The following FAR1 variants were observed in gnomAD, a reference collection of about 807,000 sequenced individuals.
FAR1 encodes the protein male sterility domain-containing protein 2.
Under a neutral mutation model 61.1 loss-of-function variants are expected in FAR1, and 22 were observed. The ratio of observed to expected loss-of-function variants is 0.36; its 90% CI spans 0.26 to 0.51. The LOEUF (loss-of-function observed/expected upper bound fraction) is 0.51. Among genes scored for constraint, FAR1 ranks in the 20% least tolerant of loss-of-function variants. FAR1 has a pLI of 0.95. For missense variants in FAR1, 359 were observed against 626.9 expected, an observed-to-expected ratio of 0.57 and a Z score of 4.56; for synonymous variants, 206 against 209.7, an observed-to-expected ratio of 0.98 and a Z score of 0.15.
intron 10 of FAR1, among the ~76,000 whole-genome samples, chr11:13,726,741 T>TA (rs772625896): frequency 2.2e-3 from 329 of 150,908 alleles, no homozygotes; most frequent in South Asian, 8.3e-3. Context: ...TTTTTTTTTT[T>TA]AAATAACTGT....
chr11:13,689,601 T>A (rs1380562787), intron 1 of FAR1, among the ~76,000 whole-genome samples: 1 of 152,222 alleles, frequency 6.6e-6, no homozygotes, highest in Non-Finnish European at 1.5e-5. Context: ...ATAACCATAC[T>A]TGCTTGTTCT....
intron 1 of FAR1, among the ~76,000 whole-genome samples, chr11:13,694,253 G>A (rs150818189): frequency 3.3e-5 from 5 of 152,222 alleles, no homozygotes; most frequent in African/African-American, 9.6e-5. Context: ...TAAGAGACAC[G>A]TAGTAGAAAG....
chr11:13,705,079 T>C (rs1484008212), intron 3 of FAR1, among the ~76,000 whole-genome samples: 2 of 152,192 alleles, frequency 1.3e-5, no homozygotes, highest in African/African-American at 4.8e-5. Flanking sequence ...TTTTTCTTTT[T>C]AAATTTTTCT....
intron 3 of FAR1, among the ~76,000 whole-genome samples, chr11:13,703,514 CAT>C (rs1337528863): frequency 6.6e-6 from 1 of 152,158 alleles, no homozygotes; most frequent in East Asian, 1.9e-4. Context: ...GAGAAACCAA[CAT>C]AAATTGCACA....
At chr11:13,687,846 C>G (rs1457810974) in intron 1 of FAR1, among the ~76,000 whole-genome samples, 2 of 150,400 alleles carry the variant, frequency 1.3e-5, no homozygotes, top group Admixed American at 1.3e-4. Flanking sequence ...AGCAAACTAT[C>G]GCAAGGACAA....
At chr11:13,701,793 C>T (rs1294671463) in intron 3 of FAR1, among the ~76,000 whole-genome samples, 1 of 152,006 alleles carries the variant, frequency 6.6e-6, no homozygotes. Flanking sequence ...TCCATAGTCA[C>T]CTTACCTACT....
chr11:13,674,554 A>G (rs939728892), intron 1 of FAR1, among the ~76,000 whole-genome samples: 1 of 152,112 alleles, frequency 6.6e-6, no homozygotes, highest in Non-Finnish European at 1.5e-5. Context: ...TGCCTTTCTT[A>G]AAAACTGTAT....
chr11:13,696,672 A>G (rs1848309131), intron 2 of FAR1, among the ~76,000 whole-genome samples: 2 of 152,108 alleles, frequency 1.3e-5, no homozygotes, highest in South Asian at 4.2e-4. Flanking sequence ...AAATTATGTA[A>G]TTTTATCTTA....
chr11:13,688,072 A>G (rs750823965), intron 1 of FAR1, among the ~76,000 whole-genome samples: 6 of 152,138 alleles, frequency 3.9e-5, no homozygotes, highest in Non-Finnish European at 8.8e-5. Context: ...CACATTGTGC[A>G]CATATACCCT....
chr11:13,711,851 C>G (rs371599793), intron 6 of FAR1, 43 bp downstream of exon 6: 1 of 1,560,994 alleles, frequency 6.4e-7, no homozygotes, highest in Admixed American at 1.8e-5. Context: ...ATACATTTTT[C>G]TGCTTTTTGT....
rs191561335 is a variant in FAR1 at position 13,674,405 on chromosome 11, A to G, written c.-8+5599A>G. On this transcript the variant is annotated intron_variant, in intron 1 of 11. Coordinates refer to ENST00000354817, the MANE Select transcript of FAR1 (RefSeq NM_032228.6). ...GGTTTTGTTAGCTACTTGATGTGTA[A>G]CTTGCTAGGCAAGTCACTTCCCCTC... Among the ~76,000 whole-genome samples the G allele has an allele frequency of 1.1e-4, 17 of 152,208 alleles. 1 individual carries two copies. In the Middle Eastern group the frequency reaches 0.01, roughly 91 times the overall value.
At chr11:13,692,316 G>A (rs146424051) in intron 1 of FAR1, among the ~76,000 whole-genome samples, 64 of 152,282 alleles carry the variant, frequency 4.2e-4, no homozygotes, top group African/African-American at 1.5e-3. Flanking sequence ...CTGGTCCAAA[G>A]CATTTCGGAT....
chr11:13,680,267 T>G (rs545744848), intron 1 of FAR1, among the ~76,000 whole-genome samples: 1 of 152,148 alleles, frequency 6.6e-6, no homozygotes, highest in African/African-American at 2.4e-5. Context: ...CAGGTGAGGT[T>G]TTCTTTTTTG....
At chr11:13,689,682 G>A (rs141239840) in intron 1 of FAR1, among the ~76,000 whole-genome samples, 260 of 152,166 alleles carry the variant, frequency 1.7e-3, no homozygotes, top group African/African-American at 6.0e-3. Flanking sequence ...CCTATGATAT[G>A]TGAATGTTCA....
intron 4 of FAR1, 113 bp from the exon 5 acceptor site, chr11:13,710,580 A>G: frequency 1.1e-6 from 1 of 874,922 alleles, no homozygotes; most frequent in Non-Finnish European, 1.6e-6. Context: ...AAAGTTGTCA[A>G]ATGATTTGAG....
chr11:13,703,644 A>C lies in FAR1; in HGVS notation c.365+3152A>C, dbSNP rs1033134308. On this transcript the variant is annotated intron_variant, in intron 3 of 11. Transcript: ENST00000354817. ...GCACACATGAAATCCTATTAGAGTT[A>C]AGAGAAGGTAGATAGAGCTCACTTG... Among the ~76,000 whole-genome samples, 3 of 152,224 alleles carry C rather than the reference A, an allele frequency of 2.0e-5. No homozygotes were observed. The East Asian group carries it at 5.8e-4, about 29-fold the overall frequency.
Position 13,728,936 on chromosome 11 carries a change from G to A in FAR1, c.*162G>A. On this transcript the variant is annotated 3_prime_UTR_variant, in exon 12 of 12. Transcript: ENST00000354817. ...TTTTATGTAACATTTTAATGTTTAT[G>A]CTCATAAAACTTAGTGAACACACTG... 2 of 640,564 alleles carry A rather than the reference G, an allele frequency of 3.1e-6. No homozygotes were observed. The highest frequency in any genetic ancestry group is 6.0e-5 in the East Asian group (2 of 33,280). 39.7% of individuals were successfully genotyped at this position (640,564 alleles called of 1,614,324 possible). A position where few individuals can be genotyped will look rare whatever the true frequency, so the allele number is the denominator to read the frequency against.
Position 13,714,515 on chromosome 11 carries a change from A to G in FAR1, c.962A>G (p.His321Arg). The change falls in exon 9 of 12, where the codon CAT becomes CGT. Residue 321 changes from histidine (H) to arginine (R), a missense_variant. By Grantham distance (29) the His-to-Arg change is conservative. Transcript: ENST00000354817. ...CACAACTTTTCTTCTTCAGAGTACC[A>G]TGTAATTTCCACTTTCAAGAGGAAT... ...NPFHWGEVEY[H>R]VISTFKRNPL... 1.2e-6 allele frequency: 2 copies of G among 1,610,492 alleles called. No individual in the cohort carries two copies. The highest frequency in any genetic ancestry group is 1.7e-6 in the Non-Finnish European group (2 of 1,178,902).
At chr11:13,677,935 A>T (rs1000300996) in intron 1 of FAR1, among the ~76,000 whole-genome samples, 8 of 152,232 alleles carry the variant, frequency 5.3e-5, no homozygotes, top group African/African-American at 1.9e-4. Context: ...AGTTATAATA[A>T]AATAACCAAA....
Sources: gnomAD v4.1 joint callset for allele counts (sites outside exome capture counted in the v4.1 genomes callset) on GRCh38, gnomAD v4.1.1 for gene constraint, MANE v1.5 for transcripts, NCBI Gene and HGNC (gene_info 2026-07-23, HGNC 2026-07-21) for gene names.